The following SPHKAP variants were observed in gnomAD, a reference collection of about 807,000 sequenced individuals.
The protein encoded by SPHKAP is A-kinase anchor protein SPHKAP.
Under a neutral mutation model 137.5 loss-of-function variants are expected in SPHKAP, and 67 were observed. The ratio of observed to expected loss-of-function variants is 0.49; its 90% CI spans 0.40 to 0.60. SPHKAP has a LOEUF of 0.60. SPHKAP is among the 20% of genes least tolerant of loss of function. The probability of loss-of-function intolerance (pLI) is 0.00; values close to 1 mark genes in which losing one functional copy is unlikely to be tolerated. For synonymous variants in SPHKAP, 813 were observed against 785.3 expected, an observed-to-expected ratio of 1.04 and a Z score of -0.59; for missense variants, 2,097 against 2,069.3, an observed-to-expected ratio of 1.01 and a Z score of -0.26.
chr2:227,983,232 T>G (rs1223640132), intron 11 of SPHKAP, among the ~76,000 whole-genome samples: 2 of 152,210 alleles, frequency 1.3e-5, no homozygotes, highest in African/African-American at 2.4e-5. Context: ...TGAGAAGTTG[T>G]CTCATAGAGA....
At chr2:227,985,278 C>T (rs977193920) in intron 11 of SPHKAP, among the ~76,000 whole-genome samples, 8 of 152,018 alleles carry the variant, frequency 5.3e-5, no homozygotes, top group East Asian at 3.9e-4. Context: ...GCTCTGAGGC[C>T]GTGACGACTT....
chr2:228,145,190 A>T (rs928493306), intron 1 of SPHKAP, among the ~76,000 whole-genome samples: 1 of 152,202 alleles, frequency 6.6e-6, no homozygotes, highest in South Asian at 2.1e-4. Flanking sequence ...TAAAACAACA[A>T]CATCATCACA....
At position 228,019,948 on chromosome 2, in the gene SPHKAP, T is replaced by C. The variant is rs1444972666; in HGVS notation, c.906A>G (p.Ser302=). 1 of 1,614,266 alleles carries C rather than the reference T, an allele frequency of 6.2e-7. No homozygotes were observed. The highest frequency in any genetic ancestry group is 1.1e-5 in the South Asian group (1 of 91,086). ...CTCTTTTCCACTGTGATGGCTTGGCTGAGGGATCTAGACTCTGCAAGGCTG... is the reference window on the plus strand; with the variant it reads ...CTCTTTTCCACTGTGATGGCTTGGCCGAGGGATCTAGACTCTGCAAGGCTG... ...KNTALQSLDP[S]AKPSQWKREA... is the part of the protein sequence containing the mutation. The change falls in exon 7 of 12, where the codon TCA becomes TCG. Residue 302 remains serine (S), a synonymous_variant. Transcript: ENST00000392056.
In SPHKAP at chr2:227,991,260, G is replaced by A. The variant is rs1693404166; in HGVS notation, c.4774+14C>T. The A allele has an allele frequency of 6.2e-7, 1 of 1,614,054 alleles. No homozygotes were observed. Among genetic ancestry groups the A allele is most frequent in the African/African-American group, 1.3e-5 (1 of 74,930 alleles). The stretch of plus-strand genomic sequence containing the variant: ...CAGGCAATTGTGTGTCAAAAGTATG[G>A]GAAGGTGGCTTACCCTCTGTGCTTT... On this transcript the variant is annotated intron_variant, in intron 10 of 11. Coordinates refer to ENST00000392056, the MANE Select transcript of SPHKAP (RefSeq NM_001142644.2).
At chr2:228,172,085 A>G (rs1262570837) in intron 1 of SPHKAP, among the ~76,000 whole-genome samples, 1 of 152,172 alleles carries the variant, frequency 6.6e-6, no homozygotes, top group Non-Finnish European at 1.5e-5. Flanking sequence ...TTAAGAATGT[A>G]TAATATATAA....
chr2:228,088,743 T>C (rs115434245), intron 3 of SPHKAP, among the ~76,000 whole-genome samples: 2,125 of 152,246 alleles, frequency 0.014, 47 homozygotes, highest in African/African-American at 0.048. Context: ...TAAAAGAGCA[T>C]GGCACCTCCC....
intron 3 of SPHKAP, among the ~76,000 whole-genome samples, chr2:228,076,404 A>G (rs922341341): frequency 1.3e-5 from 2 of 152,224 alleles, no homozygotes; most frequent in Non-Finnish European, 2.9e-5. Flanking sequence ...AATGTGGGAA[A>G]GTTTGGAACT....
chr2:228,109,507 G>A (rs12990326), intron 2 of SPHKAP: 37,673 of 312,122 alleles, frequency 0.12, 2,685 homozygotes, highest in East Asian at 0.18. Context: ...GAAATAGCAC[G>A]GTATGGCAAA....
rs368204190 is a variant in SPHKAP at position 227,991,265 on chromosome 2, G to C, written c.4774+9C>G. ...AATTGTGTGTCAAAAGTATGGGAAG[G>C]TGGCTTACCCTCTGTGCTTTCTGAC... On this transcript the variant is annotated intron_variant, in intron 10 of 11. Coordinates refer to ENST00000392056, the MANE Select transcript of SPHKAP (RefSeq NM_001142644.2). 1 of 1,614,088 alleles carries C rather than the reference G, an allele frequency of 6.2e-7. No homozygotes were observed. The highest frequency in any genetic ancestry group is 1.3e-5 in the African/African-American group (1 of 74,938).
intron 11 of SPHKAP, among the ~76,000 whole-genome samples, chr2:227,986,116 G>T (rs775823187): frequency 6.6e-6 from 1 of 152,112 alleles, no homozygotes; most frequent in East Asian, 1.9e-4. Context: ...CTGACTAAAG[G>T]ACTCAGTTTT....
chr2:228,069,516 C>T (rs925938895), intron 3 of SPHKAP, among the ~76,000 whole-genome samples: 1 of 145,580 alleles, frequency 6.9e-6, no homozygotes, highest in Non-Finnish European at 1.5e-5. Flanking sequence ...AACTCCTGGG[C>T]TTCAAGAGAG....
At chr2:228,077,429 A>G (rs1697220865) in intron 3 of SPHKAP, among the ~76,000 whole-genome samples, 1 of 152,212 alleles carries the variant, frequency 6.6e-6, no homozygotes, top group Non-Finnish European at 1.5e-5. Context: ...AGAGGTGTCC[A>G]AGACCATAGG....
At chr2:228,092,284 C>T (rs372847833) in intron 3 of SPHKAP, among the ~76,000 whole-genome samples, 48 of 112,082 alleles carry the variant, frequency 4.3e-4, no homozygotes, top group South Asian at 1.5e-3. Context: ...CGTGTATGTG[C>T]GTGTATACGT....
chr2:228,164,258 G>A (rs569986766), intron 1 of SPHKAP, among the ~76,000 whole-genome samples: 1 of 152,108 alleles, frequency 6.6e-6, no homozygotes, highest in Non-Finnish European at 1.5e-5. Context: ...CAGGCTGAAG[G>A]CTGCACTGTT....
intron 1 of SPHKAP, among the ~76,000 whole-genome samples, chr2:228,145,549 C>T (rs898716904): frequency 1.3e-5 from 2 of 152,138 alleles, no homozygotes; most frequent in Non-Finnish European, 2.9e-5. Context: ...CAATGAATGG[C>T]TCTCCAGAAT....
In SPHKAP at chr2:228,042,985, A is replaced by T. The variant is rs554215369; in HGVS notation, c.247-15442T>A. Among the ~76,000 whole-genome samples the T allele has an allele frequency of 3.3e-5, 5 of 152,320 alleles. No individual in the cohort carries two copies. The East Asian group carries it at 9.6e-4, about 29-fold the overall frequency. ...TATAATACCAGGGAATGATTGCAAGAGATGCGCAATAGGTATCCAACTACA... is the reference window on the plus strand; with the variant it reads ...TATAATACCAGGGAATGATTGCAAGTGATGCGCAATAGGTATCCAACTACA... On this transcript the variant is annotated intron_variant, in intron 3 of 11. Transcript: ENST00000392056.
intron 3 of SPHKAP, among the ~76,000 whole-genome samples, chr2:228,067,547 A>G (rs73096664): frequency 0.019 from 2,819 of 152,304 alleles, 87 homozygotes; most frequent in African/African-American, 0.062. Context: ...CATCTGTCAT[A>G]TAACTAGGGG....
chr2:228,090,179 G>T (rs1350847255), intron 3 of SPHKAP, among the ~76,000 whole-genome samples: 1 of 152,162 alleles, frequency 6.6e-6, no homozygotes, highest in Non-Finnish European at 1.5e-5. Context: ...GAGTGGAGCT[G>T]CCAAAGGCCA....
chr2:227,990,334 T>C (rs1373959648), intron 11 of SPHKAP, among the ~76,000 whole-genome samples: 1 of 152,220 alleles, frequency 6.6e-6, no homozygotes, highest in Non-Finnish European at 1.5e-5. Flanking sequence ...TATTATTAAT[T>C]TGAAATCTTT....
Sources: allele counts gnomAD v4.1 joint callset (sites outside exome capture counted in the v4.1 genomes callset), GRCh38; gene constraint gnomAD v4.1.1; transcripts MANE v1.5; gene names NCBI Gene and HGNC (gene_info 2026-07-23, HGNC 2026-07-21).